LHFPL3: variants seen among roughly 807,000 people sequenced by gnomAD.
LHFPL3 encodes the protein LHFPL tetraspan subfamily member 3 protein.
A neutral mutation model predicts 19.3 loss-of-function variants in LHFPL3; 5 were observed. That is an observed-to-expected ratio of 0.26 (90% CI 0.14 to 0.54). The LOEUF (loss-of-function observed/expected upper bound fraction) is 0.54. Ranked by LOEUF, LHFPL3 falls within the 20% of genes least tolerant of loss-of-function variation. The pLI is 0.94. For missense variants in LHFPL3, 249 were observed against 307.4 expected (o/e 0.81, Z 1.42); for synonymous variants, 133 against 126.2 (o/e 1.05, Z -0.36).
At chr7:104,459,894 A>G (rs35721111) in intron 1 of LHFPL3, among the ~76,000 whole-genome samples, 27,499 of 152,162 alleles carry the variant, frequency 0.18, 2,510 homozygotes, top group African/African-American at 0.21. Flanking sequence ...GTATATGTGC[A>G]GGTTTGTTAT....
At chr7:104,798,879 T>C (rs1249927074) in intron 2 of LHFPL3, among the ~76,000 whole-genome samples, 1 of 152,194 alleles carries the variant, frequency 6.6e-6, no homozygotes, top group Non-Finnish European at 1.5e-5. Flanking sequence ...GACCTGTGTA[T>C]ATCGTAAGGT....
chr7:104,430,429 T>TACAC (rs1791964321), intron 1 of LHFPL3, among the ~76,000 whole-genome samples: 1 of 12,256 alleles, frequency 8.2e-5, no homozygotes, highest in Non-Finnish European at 1.8e-4. Context: ...CATATATATA[T>TACAC]ATATATATAT....
At chr7:104,451,869 C>T (rs1792446058) in intron 1 of LHFPL3, among the ~76,000 whole-genome samples, 1 of 152,170 alleles carries the variant, frequency 6.6e-6, no homozygotes, top group African/African-American at 2.4e-5. Context: ...CTCAGCCTTC[C>T]AAGTAGCTGC....
At chr7:104,621,741 T>A (rs1365292678) in intron 1 of LHFPL3, among the ~76,000 whole-genome samples, 1 of 152,186 alleles carries the variant, frequency 6.6e-6, no homozygotes, top group Non-Finnish European at 1.5e-5. Context: ...CCAACTTCAG[T>A]CCTTTCATTT....
At chr7:104,522,215 T>C (rs1003364716) in intron 1 of LHFPL3, among the ~76,000 whole-genome samples, 1 of 152,030 alleles carries the variant, frequency 6.6e-6, no homozygotes, top group Non-Finnish European at 1.5e-5. Flanking sequence ...CCATAAAAAT[T>C]GGCGAGTTCA....
chr7:104,631,304 T>C (rs1022123168), intron 1 of LHFPL3, among the ~76,000 whole-genome samples: 3 of 151,870 alleles, frequency 2.0e-5, no homozygotes, highest in African/African-American at 7.3e-5. Context: ...ATTTTCAGTG[T>C]AAAACCATAT....
At chr7:104,604,144 G>T (rs977890201) in intron 1 of LHFPL3, among the ~76,000 whole-genome samples, 1 of 152,126 alleles carries the variant, frequency 6.6e-6, no homozygotes, top group African/African-American at 2.4e-5. Context: ...GGTGGAGACC[G>T]CCATGGCCCC....
At chr7:104,728,448 C>T (rs1346336826) in intron 1 of LHFPL3, among the ~76,000 whole-genome samples, 1 of 152,148 alleles carries the variant, frequency 6.6e-6, no homozygotes, top group African/African-American at 2.4e-5. Flanking sequence ...TGATCACTTT[C>T]TCCATCCCAG....
At chr7:104,369,011 C>G (rs1790556236) in intron 1 of LHFPL3, among the ~76,000 whole-genome samples, 1 of 152,180 alleles carries the variant, frequency 6.6e-6, no homozygotes. Context: ...TTACATCATT[C>G]AGGGTCTCTC....
At chr7:104,646,623 A>T (rs1225229991) in intron 1 of LHFPL3, among the ~76,000 whole-genome samples, 2 of 152,240 alleles carry the variant, frequency 1.3e-5, no homozygotes, top group African/African-American at 4.8e-5. Context: ...TTGTACTAAA[A>T]TAAATTAAAT....
intron 2 of LHFPL3, among the ~76,000 whole-genome samples, chr7:104,788,085 C>T (rs947026207): frequency 2.6e-5 from 4 of 152,086 alleles, no homozygotes; most frequent in South Asian, 2.1e-4. Context: ...TATGTGGTGC[C>T]GTAGGAAGAA....
chr7:104,532,583 CCTT>C (rs762370538), intron 1 of LHFPL3, among the ~76,000 whole-genome samples: 2 of 152,054 alleles, frequency 1.3e-5, no homozygotes, highest in Non-Finnish European at 2.9e-5. Flanking sequence ...TTGGGGAAAT[CCTT>C]CTCTCTCTCC....
intron 1 of LHFPL3, among the ~76,000 whole-genome samples, chr7:104,560,034 T>G (rs1474469566): frequency 6.7e-6 from 1 of 148,802 alleles, no homozygotes; most frequent in Non-Finnish European, 1.5e-5. Context: ...TGAAGCCCAC[T>G]TGATCATGGT....
chr7:104,616,019 T>C (rs1282364554), intron 1 of LHFPL3, among the ~76,000 whole-genome samples: 1 of 152,236 alleles, frequency 6.6e-6, no homozygotes, highest in Non-Finnish European at 1.5e-5. Context: ...CATTCCATGC[T>C]TGTGGATAGG....
chr7:104,478,304 A>T (rs1793066390), intron 1 of LHFPL3, among the ~76,000 whole-genome samples: 1 of 152,146 alleles, frequency 6.6e-6, no homozygotes, highest in Non-Finnish European at 1.5e-5. Context: ...ATGGTCTGCC[A>T]GTTTCTGGGT....
chr7:104,884,141 T>G (rs544061092), intron 2 of LHFPL3, among the ~76,000 whole-genome samples: 19 of 152,258 alleles, frequency 1.2e-4, no homozygotes, highest in African/African-American at 3.8e-4. Context: ...GCCTGATGCG[T>G]GATAAGTGCC....
chr7:104,839,191 G>T (rs1791151467), intron 2 of LHFPL3, among the ~76,000 whole-genome samples: 1 of 152,166 alleles, frequency 6.6e-6, no homozygotes, highest in Admixed American at 6.5e-5. Flanking sequence ...TGTCACCCCA[G>T]AGGGAGGACA....
rs1305292668 is a variant in LHFPL3, at chr7:104,752,739, C to T, written c.682+15828C>T. The T allele has an allele frequency of 3.8e-5, 15 of 396,020 alleles. No homozygotes were observed. In the South Asian group the frequency reaches 3.8e-4, roughly 10 times the overall value. 24.5% of individuals were successfully genotyped at this position (396,020 alleles called of 1,614,324 possible). A position where few individuals can be genotyped will look rare whatever the true frequency, so the allele number is the denominator to read the frequency against. The stretch of plus-strand genomic sequence containing the variant: ...CCGTAAGGCTGACTGTAGACGTACT[C>T]GGGATCTCTCGTCGACTTGTCCTCA... On this transcript the variant is annotated intron_variant, in intron 2 of 2. Transcript: ENST00000424859.
chr7:104,634,036 G>T (rs970417620), intron 1 of LHFPL3, among the ~76,000 whole-genome samples: 1 of 152,128 alleles, frequency 6.6e-6, no homozygotes, highest in Non-Finnish European at 1.5e-5. Context: ...GGTTAAGTAT[G>T]ATTATTATCC....
Sources: gnomAD v4.1 joint callset for allele counts (sites outside exome capture counted in the v4.1 genomes callset) on GRCh38, gnomAD v4.1.1 for gene constraint, MANE v1.5 for transcripts, NCBI Gene and HGNC (gene_info 2026-07-23, HGNC 2026-07-21) for gene names.